CSMD3: variants seen among roughly 807,000 people sequenced by gnomAD.
The protein encoded by CSMD3 is CUB and Sushi multiple domains 3, also known as CUB and sushi domain-containing protein 3.
Under a neutral mutation model 435.2 loss-of-function variants are expected in CSMD3, and 177 were observed. The observed-to-expected ratio is 0.41, with a 90% confidence interval of 0.36 to 0.46. CSMD3 has a LOEUF of 0.46. CSMD3 is among the 20% of genes least tolerant of loss of function. The pLI is 0.34. For missense variants in CSMD3, 4,265 were observed against 4,504.6 expected, an observed-to-expected ratio of 0.95 and a Z score of 1.52; for synonymous variants, 1,656 against 1,520.5, an observed-to-expected ratio of 1.09 and a Z score of -2.07.
intron 13 of CSMD3, among the ~76,000 whole-genome samples, chr8:112,708,737 A>G (rs1458242770): frequency 6.6e-6 from 1 of 150,988 alleles, no homozygotes; most frequent in East Asian, 1.9e-4. Flanking sequence ...AAAACCTACA[A>G]AAAAAAATCC....
chr8:112,617,973 G>C (rs1158601441), intron 22 of CSMD3, among the ~76,000 whole-genome samples: 2 of 151,964 alleles, frequency 1.3e-5, no homozygotes, highest in Non-Finnish European at 2.9e-5. Flanking sequence ...GTACCTCTTT[G>C]CATTCATGTA....
At chr8:112,226,852 A>G (rs936241551) in intron 70 of CSMD3, among the ~76,000 whole-genome samples, 2 of 152,218 alleles carry the variant, frequency 1.3e-5, no homozygotes, top group Non-Finnish European at 2.9e-5. Context: ...ACAGTGAGAT[A>G]CAGCTTCACA....
rs34246089 is a variant in CSMD3 at position 112,833,690 on chromosome 8, ATG to A, written c.1756-3903_1756-3902del. On this transcript the variant is annotated intron_variant, in intron 11 of 70. Transcript: ENST00000297405. ...GAATGCTTCCAATATATATGTGTGT[ATG>A]TGTGTGTGTGTGTGTGTGTCTGTAG... Among the ~76,000 whole-genome samples, 104 of 148,876 alleles carry A rather than the reference ATG, an allele frequency of 7.0e-4. 1 individual carries two copies. The highest frequency in any genetic ancestry group is 7.7e-4 in the Non-Finnish European group (51 of 66,618).
chr8:113,309,497 TATCTGCCTCCGCCTTAAG>T (rs1193961100), intron 2 of CSMD3: 1 of 152,212 alleles, frequency 6.6e-6, no homozygotes, highest in Non-Finnish European at 1.5e-5. Flanking sequence ...ACTTTTTTAT[TATCTGCCTCCGCCTTAAG>T]ATTTTGTGTT....
intron 13 of CSMD3, among the ~76,000 whole-genome samples, chr8:112,786,627 A>C (rs1047364787): frequency 2.6e-5 from 4 of 152,166 alleles, no homozygotes; most frequent in Admixed American, 1.3e-4. Context: ...ATTTCTCAAA[A>C]GAAGACATGC....
intron 1 of CSMD3, among the ~76,000 whole-genome samples, chr8:113,359,398 A>C (rs1051303764): frequency 1.3e-5 from 2 of 152,238 alleles, no homozygotes; most frequent in Non-Finnish European, 2.9e-5. Flanking sequence ...TAAAAGAAGA[A>C]TTAAGTAAAC....
At chr8:112,336,602 T>G (rs1390961851) in intron 44 of CSMD3, 50 bp downstream of exon 44, 1 of 1,374,340 alleles carries the variant, frequency 7.3e-7, no homozygotes, top group South Asian at 1.2e-5. Context: ...TCCAACCTTG[T>G]TTTACTGTGT....
intron 32 of CSMD3, among the ~76,000 whole-genome samples, chr8:112,431,907 G>A (rs1030239383): frequency 6.6e-6 from 1 of 152,036 alleles, no homozygotes; most frequent in African/African-American, 2.4e-5. Context: ...ACACCTCTAT[G>A]CACAGCTTGA....
At chr8:113,237,578 T>G (rs1222207174) in intron 3 of CSMD3, among the ~76,000 whole-genome samples, 1 of 152,176 alleles carries the variant, frequency 6.6e-6, no homozygotes, top group East Asian at 1.9e-4. Context: ...TGATAGTAAT[T>G]TGGGTGGTAC....
At chr8:112,981,740 A>T (rs944539182) in intron 6 of CSMD3, among the ~76,000 whole-genome samples, 2 of 151,772 alleles carry the variant, frequency 1.3e-5, no homozygotes, top group African/African-American at 4.8e-5. Flanking sequence ...TATGCAAGAT[A>T]AGGATCTCAA....
At chr8:112,983,002 T>C (rs1048365159) in intron 6 of CSMD3, among the ~76,000 whole-genome samples, 1 of 151,964 alleles carries the variant, frequency 6.6e-6, no homozygotes, top group Non-Finnish European at 1.5e-5. Context: ...ACACAGAAAT[T>C]ACTTATTCAT....
At chr8:113,340,988 C>A (rs1048593069) in intron 1 of CSMD3, among the ~76,000 whole-genome samples, 1 of 152,044 alleles carries the variant, frequency 6.6e-6, no homozygotes, top group Non-Finnish European at 1.5e-5. Context: ...TCACAGCAAC[C>A]ATCCTCTTAG....
chr8:113,016,175 C>T (rs555479195), intron 6 of CSMD3, among the ~76,000 whole-genome samples: 6 of 151,540 alleles, frequency 4.0e-5, no homozygotes, highest in South Asian at 2.1e-4. Flanking sequence ...ATTTTAAATA[C>T]GAGTGGGCAT....
chr8:113,120,455 T>G (rs2131633061), intron 4 of CSMD3, among the ~76,000 whole-genome samples: 1 of 152,276 alleles, frequency 6.6e-6, no homozygotes, highest in Non-Finnish European at 1.5e-5. Flanking sequence ...TACATAAATA[T>G]TTTAAAATTC....
In CSMD3 at chr8:112,281,373, G is replaced by A. The variant is rs745678621; in HGVS notation, c.9332-23C>T. 2.5e-5 allele frequency: 40 copies of A among 1,595,372 alleles called. No individual in the cohort carries two copies. The South Asian group carries it at 3.6e-4, about 15-fold the overall frequency. ...CAGCTATAAAACAAAGTGTTTAAGA[G>A]TATATATAAAAAATGCAATCAGAAA... On this transcript the variant is annotated intron_variant, in intron 58 of 70. Coordinates refer to ENST00000297405, the MANE Select transcript of CSMD3 (RefSeq NM_198123.2).
intron 2 of CSMD3, chr8:113,312,730 C>T (rs1421594258): frequency 1.3e-5 from 2 of 151,870 alleles, no homozygotes; most frequent in Admixed American, 6.6e-5. Context: ...ATTGTACTTC[C>T]ACTTATAGGT....
rs758561067 is a variant in CSMD3 at position 112,311,072 on chromosome 8, A to G, written c.7791T>C (p.Asp2597=). Residue 2597 remains aspartate (D), a synonymous_variant, in exon 50 of 71, where the codon GAT becomes GAC. Transcript: ENST00000297405. ...QLNSVVRWAC[D]RGFRLVGKSS... ...TTTTTCCAACAAGTCGGAATCCTCGATCACAGGCCCAACGGACCACACTGT... is the reference window on the plus strand; with the variant it reads ...TTTTTCCAACAAGTCGGAATCCTCGGTCACAGGCCCAACGGACCACACTGT... 1.2e-6 allele frequency: 2 copies of G among 1,614,104 alleles called. No homozygotes were observed. Among genetic ancestry groups the G allele is most frequent in the African/African-American group, 2.7e-5 (2 of 75,032 alleles).
intron 18 of CSMD3, among the ~76,000 whole-genome samples, chr8:112,654,723 A>T (rs1323635515): frequency 6.6e-6 from 1 of 152,214 alleles, no homozygotes; most frequent in African/African-American, 2.4e-5. Flanking sequence ...CACATTTTGC[A>T]TGTTTTGTTT....
chr8:112,392,343 C>T (rs1466035162), intron 35 of CSMD3, among the ~76,000 whole-genome samples: 1 of 140,780 alleles, frequency 7.1e-6, no homozygotes, highest in Non-Finnish European at 1.5e-5. Context: ...AAAGATGTTG[C>T]AAACTTTTTA....
Sources: gnomAD v4.1 joint callset for allele counts (sites outside exome capture counted in the v4.1 genomes callset) on GRCh38, gnomAD v4.1.1 for gene constraint, MANE v1.5 for transcripts, NCBI Gene and HGNC (gene_info 2026-07-23, HGNC 2026-07-21) for gene names.